The following NRDC variants were observed in gnomAD, a reference collection of about 807,000 sequenced individuals.
NRDC encodes the protein nardilysin convertase, also known as nardilysin.
NRDC carries 54 observed loss-of-function variants against 147.1 expected under a neutral mutation model. The ratio of observed to expected loss-of-function variants is 0.37; its 90% confidence interval spans 0.29 to 0.46. NRDC has a LOEUF of 0.46. Among genes scored for constraint, NRDC ranks in the 20% least tolerant of loss-of-function variants. The pLI is 1.00. For synonymous variants in NRDC, 440 were observed against 482.1 expected (o/e 0.91, Z 1.14); for missense variants, 1,082 against 1,370.6 (o/e 0.79, Z 3.33).
Position 51,789,244 on chromosome 1 carries a change from C to T in NRDC, c.3448G>A (p.Val1150Ile), listed in dbSNP as rs774807993. 3.7e-6 allele frequency: 6 copies of T among 1,613,834 alleles called. No individual in the cohort carries two copies. The highest frequency in any genetic ancestry group is 5.1e-6 in the Non-Finnish European group (6 of 1,179,754). Residue 1150 changes from valine to isoleucine, a missense_variant, in exon 31 of 31, where the codon GTC becomes ATC. Around this residue, in one of 3 missense-constraint regions of NRDC, gnomAD observed 187 missense variants for 193.6 expected, o/e 0.97. Coordinates refer to ENST00000352171, the MANE Select transcript of NRDC (RefSeq NM_001101662.2). ...TLNLLPYHKI[V>I]K ...ACGTGACTGCAGTTTATTTATTTGA[C>T]TATTTTATGGTAGGGGAGAAGGTTG... is the stretch of plus-strand genomic sequence containing the variant.
chr1:51,800,893 T>A (rs1460420808), intron 20 of NRDC: 1 of 540,292 alleles, frequency 1.9e-6, no homozygotes, highest in Admixed American at 3.3e-5. Context: ...CAGGCTGGAG[T>A]GCAGTGGTAC....
chr1:51,812,543 C>A (rs2149201963), intron 14 of NRDC, among the ~76,000 whole-genome samples: 1 of 151,906 alleles, frequency 6.6e-6, no homozygotes, highest in African/African-American at 2.4e-5. Flanking sequence ...AAAAAAAATT[C>A]TAAGAAAATA....
rs745425872 is a variant in NRDC, at chr1:51,878,296, G to A, written c.320C>T (p.Pro107Leu). 1 of 1,613,284 alleles carries A rather than the reference G, an allele frequency of 6.2e-7. No individual in the cohort carries two copies. Among genetic ancestry groups the A allele is most frequent in the Non-Finnish European group, 8.5e-7 (1 of 1,179,432 alleles). The change falls in exon 1 of 31, where the codon CCC becomes CTC. Residue 107 changes from proline (P) to leucine (L), a missense_variant. By Grantham distance (98) the Pro-to-Leu change is moderately conservative. This residue lies in a region of NRDC where 260 missense variants were observed against 253.2 expected (regional missense o/e 1.03). Transcript: ENST00000352171. ...NAGDPEIVKS[P>L]SDPKQYRYIK... ...TCACCGGTATTGCTTGGGGTCGCTGGGAGACTTGACGATCTCAGGGTCCCC... is the reference window on the plus strand; with the variant it reads ...TCACCGGTATTGCTTGGGGTCGCTGAGAGACTTGACGATCTCAGGGTCCCC...
At chr1:51,858,736 T>G (rs1682384492) in intron 1 of NRDC, among the ~76,000 whole-genome samples, 1 of 152,140 alleles carries the variant, frequency 6.6e-6, no homozygotes, top group South Asian at 2.1e-4. Flanking sequence ...ACTCAGTAAT[T>G]TTAGCCAAGA....
intron 1 of NRDC, among the ~76,000 whole-genome samples, chr1:51,870,874 C>T (rs1683052802): frequency 6.6e-6 from 1 of 151,928 alleles, no homozygotes; most frequent in Non-Finnish European, 1.5e-5. Flanking sequence ...AACTTCTCTA[C>T]TGATTCTTTT....
At position 51,874,312 on chromosome 1, in the gene NRDC, T is replaced by A. The variant is rs114192636; in HGVS notation, c.341+3963A>T. Among the ~76,000 whole-genome samples the A allele has an allele frequency of 9.0e-3, 1,363 of 152,136 alleles. 34 individuals are homozygous for A. The South Asian group carries it at 0.095, about 11-fold the overall frequency. ...GTTCTTCATTGTTAAAATTTACTATTCAGAATGCACCACAGCCAGGCCAGG... is the reference window on the plus strand; with the variant it reads ...GTTCTTCATTGTTAAAATTTACTATACAGAATGCACCACAGCCAGGCCAGG... On this transcript the variant is annotated intron_variant, in intron 1 of 30. Transcript: ENST00000352171.
intron 1 of NRDC, among the ~76,000 whole-genome samples, chr1:51,873,879 T>C (rs1458264437): frequency 4.6e-5 from 7 of 151,886 alleles, no homozygotes; most frequent in African/African-American, 1.5e-4. Flanking sequence ...TAGAAGGACT[T>C]GCCCTTCAGA....
At chr1:51,815,354 C>T (rs1679918572) in intron 11 of NRDC, among the ~76,000 whole-genome samples, 1 of 151,920 alleles carries the variant, frequency 6.6e-6, no homozygotes, top group Non-Finnish European at 1.5e-5. Context: ...CTAGGAGAAG[C>T]CTTAAGACAC....
chr1:51,847,398 G>A (rs369397296), intron 1 of NRDC, among the ~76,000 whole-genome samples: 109 of 152,374 alleles, frequency 7.2e-4, no homozygotes, highest in Middle Eastern at 3.4e-3. Context: ...GCCCTTGGGC[G>A]ATGGATGGGA....
At chr1:51,877,938 A>T in intron 1 of NRDC, 1 of 958,774 alleles carries the variant, frequency 1.0e-6, no homozygotes, top group Admixed American at 4.5e-5. Flanking sequence ...AAAGTATCCA[A>T]CTCCGTCAAC....
At chr1:51,852,953 G>T (rs1403562170) in intron 1 of NRDC, among the ~76,000 whole-genome samples, 1 of 152,104 alleles carries the variant, frequency 6.6e-6, no homozygotes, top group Admixed American at 6.5e-5. Context: ...GCCAGGCACG[G>T]TGGCTCATGC....
chr1:51,799,989 C>G (rs1207567565), intron 21 of NRDC, among the ~76,000 whole-genome samples: 1 of 152,106 alleles, frequency 6.6e-6, no homozygotes, highest in Non-Finnish European at 1.5e-5. Context: ...GTTTGTTTTT[C>G]TATGAGACAG....
intron 1 of NRDC, among the ~76,000 whole-genome samples, chr1:51,867,400 T>A (rs554319629): frequency 2.0e-5 from 3 of 151,604 alleles, no homozygotes; most frequent in African/African-American, 4.8e-5. Context: ...TGACAATAAG[T>A]GCTATAAAAA....
At chr1:51,790,673 G>A (rs549785682) in intron 28 of NRDC, 24 bp from the exon 29 acceptor site, 14 of 1,520,988 alleles carry the variant, frequency 9.2e-6, no homozygotes, top group Non-Finnish European at 1.2e-5. Context: ...AAAGAAAGAT[G>A]CTCAGGTGAG....
chr1:51,838,066 T>C (rs1000744412), intron 2 of NRDC, among the ~76,000 whole-genome samples: 1 of 152,212 alleles, frequency 6.6e-6, no homozygotes, highest in Non-Finnish European at 1.5e-5. Flanking sequence ...CCACTTACGA[T>C]CGTGGGATCT....
intron 24 of NRDC, among the ~76,000 whole-genome samples, chr1:51,793,613 C>T (rs1678752078): frequency 6.6e-6 from 1 of 152,158 alleles, no homozygotes. Flanking sequence ...AGGATAATGT[C>T]AGAATAAGGC....
chr1:51,828,982 TAAC>T (rs1458996524), intron 4 of NRDC, among the ~76,000 whole-genome samples: 2 of 152,210 alleles, frequency 1.3e-5, no homozygotes, highest in African/African-American at 2.4e-5. Context: ...ACTTTTAACT[TAAC>T]TACCTGCTAG....
intron 1 of NRDC, among the ~76,000 whole-genome samples, chr1:51,876,796 C>A (rs985528907): frequency 6.6e-6 from 1 of 152,240 alleles, no homozygotes; most frequent in African/African-American, 2.4e-5. Context: ...AAAAGATTAT[C>A]TATAAGGTTG....
chr1:51,874,605 C>T (rs2153533), intron 1 of NRDC, among the ~76,000 whole-genome samples: 57,661 of 151,784 alleles, frequency 0.38, 11,514 homozygotes, highest in South Asian at 0.48. Flanking sequence ...TGAGACCCTG[C>T]CTCAAAAATA....
Sources: gnomAD v4.1 joint callset for allele counts (sites outside exome capture counted in the v4.1 genomes callset) on GRCh38, gnomAD v4.1.1 for gene constraint, gnomAD v4.1.1 regional missense constraint, MANE v1.5 for transcripts, NCBI Gene and HGNC (gene_info 2026-07-23, HGNC 2026-07-21) for gene names.